Variants in MARCHF6 observed in about 807,000 individuals in gnomAD.
The protein encoded by MARCHF6 is membrane associated ring-CH-type finger 6.
Under a neutral mutation model 133.7 loss-of-function variants are expected in MARCHF6, and 31 were observed. That is an observed-to-expected ratio of 0.23 (90% CI 0.17 to 0.31). The LOEUF (loss-of-function observed/expected upper bound fraction) is 0.31, where lower values mean the gene tolerates loss of function less well. Among genes scored for constraint, MARCHF6 ranks in the 10% least tolerant of loss-of-function variants. The pLI is 1.00. For missense variants in MARCHF6, 723 were observed against 1,121.6 expected, an observed-to-expected ratio of 0.64 and a Z score of 5.08; for synonymous variants, 395 against 402.5, an observed-to-expected ratio of 0.98 and a Z score of 0.22.
intron 17 of MARCHF6, 147 bp from the exon 18 acceptor site, chr5:10,409,992 G>T (rs1314765278): frequency 2.4e-6 from 2 of 832,948 alleles, no homozygotes; most frequent in African/African-American, 3.4e-5. Context: ...AGTTTGTGGG[G>T]AAAGCCTCAC....
intron 4 of MARCHF6, among the ~76,000 whole-genome samples, chr5:10,383,629 AG>A (rs1344390478): frequency 3.3e-5 from 5 of 152,354 alleles, no homozygotes; most frequent in African/African-American, 1.2e-4. Context: ...GACAAACTAC[AG>A]ATGTTTCAAT....
rs1350482881 is a variant in MARCHF6, at chr5:10,426,483, G to A, written c.2467G>A (p.Val823Ile). Residue 823 changes from valine to isoleucine, a missense_variant, in exon 24 of 26, where the codon GTA becomes ATA. Val to Ile is a conservative substitution (Grantham distance 29). This residue lies in a region of MARCHF6 where 492 missense variants were observed against 699.5 expected (regional missense o/e 0.70). Transcript: ENST00000274140. ...VISVLLLSLC[V>I]PYVIASGVVP... The stretch of plus-strand genomic sequence containing the variant: ...CTCTGTGCTGTTGCTTTCCCTGTGT[G>A]TACCTTATGTCATAGCTTCTGGTGT... 1.9e-6 allele frequency: 3 copies of A among 1,614,138 alleles called. No individual in the cohort carries two copies. The highest frequency in any genetic ancestry group is 1.3e-5 in the African/African-American group (1 of 75,054).
intron 17 of MARCHF6, among the ~76,000 whole-genome samples, chr5:10,409,035 G>A (rs1739076941): frequency 6.6e-6 from 1 of 151,962 alleles, no homozygotes; most frequent in African/African-American, 2.4e-5. Flanking sequence ...TGCCCAGGCT[G>A]GTCTTGAATT....
At position 10,426,494 on chromosome 5, in the gene MARCHF6, C is replaced by T. The variant is rs774655807; in HGVS notation, c.2478C>T (p.Val826=). The T allele has an allele frequency of 1.2e-6, 2 of 1,614,120 alleles. No homozygotes were observed. Among genetic ancestry groups the T allele is most frequent in the Admixed American group, 3.3e-5 (2 of 60,026 alleles). ...VLLLSLCVPY[V]IASGVVPLLG... is the part of the protein sequence containing the mutation. ...TGCTTTCCCTGTGTGTACCTTATGT[C>T]ATAGCTTCTGGTGTTGTTCCTTTAC... Residue 826 remains valine, a synonymous_variant, in exon 24 of 26, where the codon GTC becomes GTT. Coordinates refer to ENST00000274140, the MANE Select transcript of MARCHF6 (RefSeq NM_005885.4).
intron 10 of MARCHF6, 135 bp from the exon 11 acceptor site, chr5:10,400,649 G>A: frequency 1.5e-6 from 1 of 679,850 alleles, no homozygotes; most frequent in South Asian, 1.7e-5. Context: ...AATGTCCTAG[G>A]CAGTGTATTT....
At position 10,433,760 on chromosome 5, in the gene MARCHF6, C is replaced by G; in HGVS notation, c.*76C>G. ...GACTTCTCTCTTTGGAGATTTTTCC[C>G]AGTGATCTCTCAGCGTTGTTTTTAA... On this transcript the variant is annotated 3_prime_UTR_variant, in exon 26 of 26. Coordinates refer to ENST00000274140, the MANE Select transcript of MARCHF6 (RefSeq NM_005885.4). 8.4e-7 allele frequency: 1 copy of G among 1,191,434 alleles called. No individual in the cohort carries two copies. Among genetic ancestry groups the G allele is most frequent in the Non-Finnish European group, 1.3e-6 (1 of 798,498 alleles). 73.8% of individuals were successfully genotyped at this position (1,191,434 alleles called of 1,614,324 possible). A position where few individuals can be genotyped will look rare whatever the true frequency, so the allele number is the denominator to read the frequency against.
At chr5:10,395,952 A>G (rs1738165619) in intron 9 of MARCHF6, among the ~76,000 whole-genome samples, 1 of 152,252 alleles carries the variant, frequency 6.6e-6, no homozygotes, top group African/African-American at 2.4e-5. Context: ...TATAGAAAGC[A>G]TTATTTGGCC....
Position 10,410,256 on chromosome 5 carries a change from T to C in MARCHF6, c.1671T>C (p.Thr557=). The part of the protein sequence containing the change: ...QWLKGLVRAW[T]VTAGYLLDLH... ...TGAAGGGGCTGGTGCGAGCGTGGAC[T>C]GTGACCGCCGGATACTTGCTGTGAG... is the stretch of plus-strand genomic sequence containing the variant. The change falls in exon 18 of 26, where the codon ACT becomes ACC. Residue 557 remains threonine (T), a synonymous_variant. Transcript: ENST00000274140. 1.2e-6 allele frequency: 2 copies of C among 1,612,966 alleles called. No homozygotes were observed. Among genetic ancestry groups the C allele is most frequent in the South Asian group, 1.1e-5 (1 of 90,998 alleles).
At position 10,387,044 on chromosome 5, in the gene MARCHF6, C is replaced by T; in HGVS notation, c.385C>T (p.Leu129=). ...TGGCTCCGTGAGCTCACTACTGACGCTGCCATTAGATATGCTGTCAACGTG... is the reference window on the plus strand; with the variant it reads ...TGGCTCCGTGAGCTCACTACTGACGTTGCCATTAGATATGCTGTCAACGTG... ...FTGSVSSLLT[L]PLDMLSTENL... is the part of the protein sequence containing the mutation. Residue 129 remains leucine (L), a synonymous_variant, in exon 5 of 26, where the codon CTG becomes TTG. Transcript: ENST00000274140. The T allele has an allele frequency of 1.2e-6, 2 of 1,612,658 alleles. No individual in the cohort carries two copies. Among genetic ancestry groups the T allele is most frequent in the Non-Finnish European group, 1.7e-6 (2 of 1,178,860 alleles).
At chr5:10,359,142 A>C (rs1390171921) in intron 1 of MARCHF6, among the ~76,000 whole-genome samples, 4 of 152,130 alleles carry the variant, frequency 2.6e-5, no homozygotes, top group Non-Finnish European at 4.4e-5. Flanking sequence ...AGTACCCTAA[A>C]CTTTGAATAA....
rs537316423 is a variant in MARCHF6 at position 10,377,383 on chromosome 5, CAT to C, written c.20-414_20-413del. 7.0e-3 allele frequency among the ~76,000 whole-genome samples: 1,059 copies of C among 152,088 alleles called. 11 individuals are homozygous for C. The highest frequency in any genetic ancestry group is 0.01 in the Non-Finnish European group (688 of 68,018). On this transcript the variant is annotated intron_variant, in intron 1 of 25. Coordinates refer to ENST00000274140, the MANE Select transcript of MARCHF6 (RefSeq NM_005885.4). ...CTGCTGTTATTGTGGTGAGTCCTCA[CAT>C]GTGTTTTGTGGAGTTTAGGCTGTTA...
intron 5 of MARCHF6, among the ~76,000 whole-genome samples, chr5:10,387,306 CTT>C (rs1241488268): frequency 9.3e-5 from 13 of 139,700 alleles, no homozygotes; most frequent in Admixed American, 1.4e-4. Context: ...TTCTTTCTTT[CTT>C]TTTTTTTTTT....
intron 4 of MARCHF6, among the ~76,000 whole-genome samples, chr5:10,384,346 CATGG>C (rs886146387): frequency 2.8e-4 from 42 of 151,816 alleles, no homozygotes; most frequent in African/African-American, 1.0e-3. Flanking sequence ...AATTGAAAGC[CATGG>C]AGTGAGAGAA....
At chr5:10,428,025 A>C (rs1740180292) in intron 24 of MARCHF6, among the ~76,000 whole-genome samples, 1 of 151,882 alleles carries the variant, frequency 6.6e-6, no homozygotes, top group Non-Finnish European at 1.5e-5. Context: ...AGGTTGTGAC[A>C]CTCCAATCTA....
Position 10,428,685 on chromosome 5 carries a change from G to A in MARCHF6, c.2507-1208G>A, listed in dbSNP as rs182705610. 5.7e-4 allele frequency among the ~76,000 whole-genome samples: 87 copies of A among 152,204 alleles called. 1 individual carries two copies. The highest frequency in any genetic ancestry group is 2.0e-3 in the African/African-American group (84 of 41,518). On this transcript the variant is annotated intron_variant, in intron 24 of 25. Coordinates refer to ENST00000274140, the MANE Select transcript of MARCHF6 (RefSeq NM_005885.4). Reference sequence around the variant, plus strand: ...TACGTCTTTAAAATTAAATTATTTTGACTCTTTAGAACAATCTCTTTACTG... The same window carrying A: ...TACGTCTTTAAAATTAAATTATTTTAACTCTTTAGAACAATCTCTTTACTG...
chr5:10,429,853 T>C (rs377343262), intron 24 of MARCHF6, 40 bp from the exon 25 acceptor site: 25 of 1,575,120 alleles, frequency 1.6e-5, no homozygotes, highest in Middle Eastern at 1.7e-4. Context: ...GTCACTGTTA[T>C]TTCACATACA....
chr5:10,403,245 T>G (rs1430417813), intron 14 of MARCHF6, among the ~76,000 whole-genome samples, 162 bp from the exon 15 acceptor site: 1 of 152,220 alleles, frequency 6.6e-6, no homozygotes, highest in Non-Finnish European at 1.5e-5. Flanking sequence ...TAGCCAATCT[T>G]GTATATAGTT....
chr5:10,403,554 G>A lies in MARCHF6; in HGVS notation c.1332+13G>A, dbSNP rs1193665511. The stretch of plus-strand genomic sequence containing the variant: ...ACTACTGAGAGAGGTAAGTCCACAG[G>A]GAAATGCTGATGCTGTACATTTATA... On this transcript the variant is annotated intron_variant, in intron 15 of 25. Coordinates refer to ENST00000274140, the MANE Select transcript of MARCHF6 (RefSeq NM_005885.4). The A allele has an allele frequency of 6.2e-7, 1 of 1,602,152 alleles. No individual in the cohort carries two copies. Among genetic ancestry groups the A allele is most frequent in the East Asian group, 2.2e-5 (1 of 44,580 alleles).
intron 7 of MARCHF6, among the ~76,000 whole-genome samples, chr5:10,392,255 C>T (rs533619850): frequency 2.0e-4 from 31 of 152,166 alleles, no homozygotes; most frequent in Non-Finnish European, 4.1e-4. Context: ...TGCGCCCGGC[C>T]TACACAGGAC....
Sources: gnomAD v4.1 joint callset for allele counts (sites outside exome capture counted in the v4.1 genomes callset) on GRCh38, gnomAD v4.1.1 for gene constraint, gnomAD v4.1.1 regional missense constraint, MANE v1.5 for transcripts, NCBI Gene and HGNC (gene_info 2026-07-23, HGNC 2026-07-21) for gene names.